Variants in MICU1 observed in about 807,000 individuals in gnomAD.
MICU1 encodes the protein calcium uptake protein 1, mitochondrial.
MICU1 carries 45 observed loss-of-function variants against 56.8 expected under a neutral mutation model. The ratio of observed to expected loss-of-function variants is 0.79; its 90% confidence interval spans 0.62 to 1.02. MICU1 has a LOEUF of 1.02. Ranked by LOEUF, MICU1 falls within the 50% of genes least tolerant of loss-of-function variation. The probability of loss-of-function intolerance (pLI) is 0.00; values close to 1 mark genes in which losing one functional copy is unlikely to be tolerated. For missense variants in MICU1, 504 were observed against 587.1 expected, an observed-to-expected ratio of 0.86 and a Z score of 1.46; for synonymous variants, 186 against 195.1, an observed-to-expected ratio of 0.95 and a Z score of 0.39.
At chr10:72,573,405 C>CA (rs1327284924) in intron 1 of MICU1, among the ~76,000 whole-genome samples, 1 of 149,624 alleles carries the variant, frequency 6.7e-6, no homozygotes, top group Non-Finnish European at 1.5e-5. Flanking sequence ...AATAAGAACG[C>CA]ATATGTACTT....
chr10:72,474,571 G>C (rs903321554), intron 8 of MICU1, among the ~76,000 whole-genome samples: 1 of 152,190 alleles, frequency 6.6e-6, no homozygotes, highest in Admixed American at 6.5e-5. Context: ...TGCCCAGGCT[G>C]CTCTCAAACT....
intron 8 of MICU1, among the ~76,000 whole-genome samples, chr10:72,443,678 T>C (rs1485919504): frequency 6.6e-6 from 1 of 152,122 alleles, no homozygotes; most frequent in East Asian, 1.9e-4. Flanking sequence ...TGAGATATCA[T>C]CTCACACCAG....
intron 9 of MICU1, among the ~76,000 whole-genome samples, chr10:72,409,068 A>C (rs2132106607): frequency 6.7e-6 from 1 of 149,318 alleles, no homozygotes; most frequent in East Asian, 1.9e-4. Flanking sequence ...GATTTGTCCT[A>C]TTTGCCTTTC....
At chr10:72,529,180 T>C (rs1196996198) in intron 5 of MICU1, among the ~76,000 whole-genome samples, 1 of 152,132 alleles carries the variant, frequency 6.6e-6, no homozygotes, top group Non-Finnish European at 1.5e-5. Flanking sequence ...GAGGTGGAAA[T>C]AAAATACACA....
At chr10:72,618,541 GA>G (rs1369783993) in intron 1 of MICU1, among the ~76,000 whole-genome samples, 2 of 152,030 alleles carry the variant, frequency 1.3e-5, no homozygotes, top group African/African-American at 4.8e-5. Context: ...TCAAAGACCT[GA>G]AAAAAATAAT....
At chr10:72,372,697 C>A (rs1862384901) in intron 11 of MICU1, among the ~76,000 whole-genome samples, 1 of 151,746 alleles carries the variant, frequency 6.6e-6, no homozygotes, top group Non-Finnish European at 1.5e-5. Flanking sequence ...AAAAAATTAA[C>A]CGGGTGTGAT....
intron 1 of MICU1, among the ~76,000 whole-genome samples, chr10:72,613,513 G>C (rs1160040980): frequency 3.3e-5 from 5 of 151,684 alleles, no homozygotes; most frequent in Non-Finnish European, 7.4e-5. Context: ...CTGGCCTCAA[G>C]CAGTCCTCCC....
At chr10:72,566,119 C>A (rs902333701) in intron 2 of MICU1, among the ~76,000 whole-genome samples, 2 of 140,442 alleles carry the variant, frequency 1.4e-5, no homozygotes, top group Admixed American at 1.5e-4. Flanking sequence ...TCTTGGCTCA[C>A]TGCAACCTCC....
At chr10:72,592,783 C>CT (rs1264231748) in intron 1 of MICU1, among the ~76,000 whole-genome samples, 7,361 of 137,626 alleles carry the variant, frequency 0.053, 285 homozygotes, top group East Asian at 0.19. Flanking sequence ...ACTTTTCTTT[C>CT]TTTTTTTTTT....
chr10:72,464,009 T>C (rs1032601783), intron 8 of MICU1, among the ~76,000 whole-genome samples: 4 of 152,070 alleles, frequency 2.6e-5, no homozygotes, highest in African/African-American at 7.2e-5. Flanking sequence ...TTGTAAAGAA[T>C]TGTTGGCCAG....
intron 8 of MICU1, among the ~76,000 whole-genome samples, chr10:72,431,525 A>C (rs1373096205): frequency 6.6e-6 from 1 of 152,196 alleles, no homozygotes; most frequent in Admixed American, 6.5e-5. Context: ...GAACATTCTT[A>C]GATAACTGTG....
intron 8 of MICU1, among the ~76,000 whole-genome samples, chr10:72,431,922 G>A (rs529966061): frequency 6.6e-6 from 1 of 152,138 alleles, no homozygotes; most frequent in South Asian, 2.1e-4. Flanking sequence ...ATTTTAATTA[G>A]TATTTCTTTG....
At chr10:72,380,517 G>C (rs906227931) in intron 10 of MICU1, among the ~76,000 whole-genome samples, 54 of 152,234 alleles carry the variant, frequency 3.5e-4, no homozygotes, top group Admixed American at 7.9e-4. Flanking sequence ...AAGAAACCCT[G>C]AGTTTGTGTG....
chr10:72,425,752 G>A (rs1418424562), intron 8 of MICU1, among the ~76,000 whole-genome samples: 1 of 152,124 alleles, frequency 6.6e-6, no homozygotes, highest in Non-Finnish European at 1.5e-5. Context: ...CATGGCTGGA[G>A]GGAGCCATGG....
chr10:72,480,781 G>C (rs1464068502), intron 6 of MICU1, among the ~76,000 whole-genome samples: 1 of 152,220 alleles, frequency 6.6e-6, no homozygotes, highest in East Asian at 1.9e-4. Flanking sequence ...GGATCTTGTA[G>C]TCTTACTGTC....
intron 1 of MICU1, among the ~76,000 whole-genome samples, chr10:72,619,809 G>A (rs546302659): frequency 3.9e-5 from 6 of 152,274 alleles, no homozygotes; most frequent in African/African-American, 7.2e-5. Flanking sequence ...ATGGCAGAAC[G>A]GTGGAGAGGC....
At chr10:72,435,728 G>T (rs1280910642) in intron 8 of MICU1, among the ~76,000 whole-genome samples, 1 of 152,264 alleles carries the variant, frequency 6.6e-6, no homozygotes, top group Non-Finnish European at 1.5e-5. Flanking sequence ...TGGCAGACAA[G>T]GAGATTCTCT....
intron 3 of MICU1, among the ~76,000 whole-genome samples, chr10:72,552,649 G>C (rs906828465): frequency 7.9e-5 from 12 of 152,060 alleles, no homozygotes; most frequent in Non-Finnish European, 1.8e-4. Flanking sequence ...TTCGCCTCCG[G>C]GTTCAATCAA....
chr10:72,549,789 G>A (rs1839987319), intron 4 of MICU1, among the ~76,000 whole-genome samples: 1 of 151,902 alleles, frequency 6.6e-6, no homozygotes, highest in African/African-American at 2.4e-5. Context: ...AAATTAGCTG[G>A]GCATGGTGGC....
Sources: gnomAD v4.1 joint callset for allele counts (sites outside exome capture counted in the v4.1 genomes callset) on GRCh38, gnomAD v4.1.1 for gene constraint, MANE v1.5 for transcripts, NCBI Gene and HGNC (gene_info 2026-07-23, HGNC 2026-07-21) for gene names.